Variants in STK25 observed in about 807,000 individuals in gnomAD.
STK25 encodes the protein serine/threonine kinase 25.
In STK25, 29 loss-of-function variants were observed where a neutral mutation model predicts 53.8. The ratio of observed to expected loss-of-function variants is 0.54; its 90% CI spans 0.40 to 0.74. The LOEUF (loss-of-function observed/expected upper bound fraction) is 0.74. Ranked by LOEUF, STK25 falls within the 30% of genes least tolerant of loss-of-function variation. The pLI, the probability that STK25 is intolerant of heterozygous loss-of-function variation, is 0.00. For synonymous variants in STK25, 247 were observed against 238.3 expected (o/e 1.04, Z -0.33); for missense variants, 420 against 568.0 (o/e 0.74, Z 2.65).
chr2:241,499,455 C>A, intron 5 of STK25, 41 bp from the exon 6 acceptor site: 1 of 1,598,726 alleles, frequency 6.3e-7, no homozygotes, highest in Non-Finnish European at 8.5e-7. Flanking sequence ...CCAGGCTCCA[C>A]GTGGCTCCAC....
At position 241,508,045 on chromosome 2, in the gene STK25, G is replaced by T; in HGVS notation, c.-10C>A. 1.2e-6 allele frequency: 2 copies of T among 1,602,736 alleles called. No individual in the cohort carries two copies. The highest frequency in any genetic ancestry group is 8.5e-7 in the Non-Finnish European group (1 of 1,175,880). On this transcript the variant is annotated 5_prime_UTR_variant, in exon 2 of 12. Coordinates refer to ENST00000316586, the MANE Select transcript of STK25 (RefSeq NM_001271977.2). ...CCCGGAGGTGAGCCATGGCCGCGCC[G>T]CCTCAGACCCTCCGCCAGCAGCCCC...
Position 241,501,060 on chromosome 2 carries a change from T to G in STK25, c.262-264A>C, listed in dbSNP as rs756010776. ...AAGACCCCATCAAAAACCAGGCTGC[T>G]GATCCAGTCCTACAGGGCTGGGAAG... On this transcript the variant is annotated intron_variant, in intron 3 of 11. Transcript: ENST00000316586. This position sits in a 1 kb window ranked among gnomAD's most constrained non-coding sequence, Gnocchi z 5.3. 3.8e-5 allele frequency: 22 copies of G among 576,278 alleles called. No individual in the cohort carries two copies. Among genetic ancestry groups the G allele is most frequent in the Non-Finnish European group, 6.2e-5 (20 of 322,792 alleles). The allele number at this position is 576,278 out of a possible 1,614,324, so 35.7% of individuals were successfully genotyped here. A position where few individuals can be genotyped will look rare whatever the true frequency, so the allele number is the denominator to read the frequency against.
rs905527201 is a variant in STK25, at chr2:241,494,739, C to T, written c.*923G>A. On this transcript the variant is annotated 3_prime_UTR_variant, in exon 12 of 12. Transcript: ENST00000316586. The surrounding 1 kb of genome is among the most constrained non-coding windows in gnomAD (Gnocchi z 4.9). ...CCCCTGTGCCCTGGGAGGGTGGGGC[C>T]GTCTAATTTATTACTGCCCAGCATT... 5 of 152,186 alleles carry T rather than the reference C, an allele frequency of 3.3e-5. No homozygotes were observed. In the East Asian group the frequency reaches 9.6e-4, roughly 29 times the overall value. The allele number at this position is 152,186 out of a possible 1,614,324, so 9.4% of individuals were successfully genotyped here.
At position 241,508,564 on chromosome 2, in the gene STK25, G is replaced by A. The variant is rs888986050; in HGVS notation, c.-222C>T. On this transcript the variant is annotated 5_prime_UTR_variant, in exon 1 of 12. Transcript: ENST00000316586. ...CCCAGCCCGCGAAGCAACGGTGGTG[G>A]CGGCAGCGACCGGAGAAAGCCCGGA... 7 of 992,312 alleles carry A rather than the reference G, an allele frequency of 7.1e-6. No individual in the cohort carries two copies. The highest frequency in any genetic ancestry group is 1.7e-5 in the African/African-American group (1 of 57,260). The allele number at this position is 992,312 out of a possible 1,614,324, so 61.5% of individuals were successfully genotyped here.
rs1202958016 is a variant in STK25, at chr2:241,496,255, T to C, written c.1241+143A>G. On this transcript the variant is annotated intron_variant, in intron 11 of 11. Transcript: ENST00000316586. This position sits in a 1 kb window ranked among gnomAD's most constrained non-coding sequence, Gnocchi z 5.8. ...AGCTGGGTCCAAACAAGGAAGAGGATGCCACGCCGCGCCTTCCCAGAGTGA... is the reference window on the plus strand; with the variant it reads ...AGCTGGGTCCAAACAAGGAAGAGGACGCCACGCCGCGCCTTCCCAGAGTGA... 2 of 989,676 alleles carry C rather than the reference T, an allele frequency of 2.0e-6. No individual in the cohort carries two copies. 61.3% of individuals were successfully genotyped at this position (989,676 alleles called of 1,614,324 possible).
chr2:241,503,498 G>A (rs1345685720), intron 2 of STK25, among the ~76,000 whole-genome samples: 6 of 150,980 alleles, frequency 4.0e-5, no homozygotes, highest in Non-Finnish European at 8.9e-5. Context: ...AGATCACGAG[G>A]TCAGGAGATC....
rs368651411 is a variant in STK25 at position 241,496,294 on chromosome 2, A to G, written c.1241+104T>C. The G allele has an allele frequency of 1.4e-6, 2 of 1,391,284 alleles. No individual in the cohort carries two copies. The highest frequency in any genetic ancestry group is 2.0e-6 in the Non-Finnish European group (2 of 1,011,718). 86.2% of individuals were successfully genotyped at this position (1,391,284 alleles called of 1,614,324 possible). ...TTCCCAGAGTGAAGCGAGCCCATGT[A>G]GTGCCAAATGCAGCCACACCCACGA... On this transcript the variant is annotated intron_variant, in intron 11 of 11. Transcript: ENST00000316586. This position sits in a 1 kb window ranked among gnomAD's most constrained non-coding sequence, Gnocchi z 5.8.
intron 8 of STK25, 61 bp downstream of exon 8, chr2:241,498,578 G>C (rs1315463310): frequency 1.6e-5 from 25 of 1,559,162 alleles, no homozygotes; most frequent in South Asian, 7.1e-5. Flanking sequence ...CCTGCTTCTG[G>C]AGTGGGGACC....
chr2:241,495,836 C>T, intron 11 of STK25, 135 bp from the exon 12 acceptor site: 4 of 843,856 alleles, frequency 4.7e-6, no homozygotes, highest in African/African-American at 1.7e-5. Flanking sequence ...GTCCCCAATG[C>T]ACAGGGTCTC....
At chr2:241,508,708 G>C (rs2066009714), upstream of STK25, 1 of 985,102 alleles carries the variant, frequency 1.0e-6, no homozygotes, top group Non-Finnish European at 1.2e-6. Context: ...GTCCCGGCAG[G>C]CTGCGCGAGA....
intron 4 of STK25, among the ~76,000 whole-genome samples, 182 bp from the exon 5 acceptor site, chr2:241,500,463 A>G (rs929899013): frequency 6.6e-6 from 1 of 152,084 alleles, no homozygotes; most frequent in East Asian, 1.9e-4. Context: ...TTTCTAAAGC[A>G]TATAAACCAG....
In STK25 at chr2:241,497,697, A is replaced by T. The variant is rs772484935; in HGVS notation, c.1033-10T>A. 1 of 1,612,976 alleles carries T rather than the reference A, an allele frequency of 6.2e-7. No individual in the cohort carries two copies. On this transcript the variant is annotated splice_polypyrimidine_tract_variant and intron_variant, in intron 9 of 11. Coordinates refer to ENST00000316586, the MANE Select transcript of STK25 (RefSeq NM_001271977.2). ...TGACGGGCTCCGCAGGCTGCAAAGG[A>T]GTGGAGGCCCAGGGTGAGCAGGGCA...
intron 10 of STK25, 24 bp downstream of exon 10, chr2:241,497,592 G>GCCCAGT: frequency 6.2e-7 from 1 of 1,610,950 alleles, no homozygotes; most frequent in South Asian, 1.1e-5. Flanking sequence ...GGGACTCCAG[G>GCCCAGT]CCCAGTCCCA....
intron 9 of STK25, 137 bp downstream of exon 9, chr2:241,498,098 G>A: frequency 1.2e-6 from 1 of 800,702 alleles, no homozygotes; most frequent in Non-Finnish European, 2.1e-6. Context: ...TGCCACAGTG[G>A]GCTTCAGACC....
Position 241,501,106 on chromosome 2 carries a change from G to A in STK25, c.262-310C>T. The stretch of plus-strand genomic sequence containing the variant: ...GGAAGAGGGCATGGCTGGCAAGCAT[G>A]TGACCCGACACACCCATCACCCTCC... On this transcript the variant is annotated intron_variant, in intron 3 of 11. Coordinates refer to ENST00000316586, the MANE Select transcript of STK25 (RefSeq NM_001271977.2). The surrounding 1 kb of genome is among the most constrained non-coding windows in gnomAD (Gnocchi z 5.3). 1.8e-6 allele frequency: 1 copy of A among 556,700 alleles called. No homozygotes were observed. The highest frequency in any genetic ancestry group is 2.1e-5 in the South Asian group (1 of 48,560). The allele number at this position is 556,700 out of a possible 1,614,324, so 34.5% of individuals were successfully genotyped here. A position where few individuals can be genotyped will look rare whatever the true frequency, so the allele number is the denominator to read the frequency against.
At chr2:241,499,710 C>G (rs2065389603) in intron 5 of STK25, 3 of 518,612 alleles carry the variant, frequency 5.8e-6, no homozygotes, top group Non-Finnish European at 1.0e-5. Context: ...CAGAGGTGAC[C>G]CTGACCAAGG....
At chr2:241,502,392 G>A (rs986956601) in intron 2 of STK25, among the ~76,000 whole-genome samples, 5 of 152,050 alleles carry the variant, frequency 3.3e-5, no homozygotes, top group African/African-American at 1.2e-4. Context: ...GGGGGTGAGG[G>A]GGGATTTGGG....
rs767767964 is a variant in STK25, at chr2:241,496,552, C to T, written c.1105-18G>A. 20 of 1,610,574 alleles carry T rather than the reference C, an allele frequency of 1.2e-5. No homozygotes were observed. The highest frequency in any genetic ancestry group is 1.5e-5 in the Non-Finnish European group (18 of 1,178,036). On this transcript the variant is annotated intron_variant, in intron 10 of 11. Coordinates refer to ENST00000316586, the MANE Select transcript of STK25 (RefSeq NM_001271977.2). The surrounding 1 kb of genome is among the most constrained non-coding windows in gnomAD (Gnocchi z 5.8). ...TCTTTGAGCTGTGAAAAGACCACCACGCCTGACCCTGGACCCCAGGACAGG... is the reference window on the plus strand; with the variant it reads ...TCTTTGAGCTGTGAAAAGACCACCATGCCTGACCCTGGACCCCAGGACAGG...
chr2:241,502,596 G>A (rs976281334), intron 2 of STK25, among the ~76,000 whole-genome samples: 8 of 151,994 alleles, frequency 5.3e-5, no homozygotes, highest in African/African-American at 1.7e-4. Context: ...AAAATTAGCC[G>A]GGCGAGGTTG....
Sources: gnomAD v4.1 joint callset for allele counts (sites outside exome capture counted in the v4.1 genomes callset) on GRCh38, gnomAD v4.1.1 for gene constraint, Gnocchi (gnomAD v3.1) non-coding constraint, MANE v1.5 for transcripts, NCBI Gene and HGNC (gene_info 2026-07-23, HGNC 2026-07-21) for gene names.